The following EPHA4 variants were observed in gnomAD, a reference collection of about 807,000 sequenced individuals.
EPHA4 encodes the protein ephrin type-A receptor 4.
A neutral mutation model predicts 108.3 loss-of-function variants in EPHA4; 19 were observed. The observed-to-expected ratio is 0.18, with a 90% CI of 0.12 to 0.26. The LOEUF (loss-of-function observed/expected upper bound fraction) is 0.26, where lower values mean the gene tolerates loss of function less well. Among genes scored for constraint, EPHA4 ranks in the 10% least tolerant of loss-of-function variants. The pLI is 1.00. For missense variants in EPHA4, 917 were observed against 1,254.0 expected, an observed-to-expected ratio of 0.73 and a Z score of 4.06; for synonymous variants, 449 against 455.5, an observed-to-expected ratio of 0.99 and a Z score of 0.18.
chr2:221,515,453 T>A (rs1250302314), intron 3 of EPHA4, among the ~76,000 whole-genome samples: 1 of 152,202 alleles, frequency 6.6e-6, no homozygotes, highest in Non-Finnish European at 1.5e-5. Flanking sequence ...GTCTTCTTTT[T>A]CATATATCAC....
Position 221,482,072 on chromosome 2 carries a change from T to G in EPHA4, c.1318+280A>C, listed in dbSNP as rs1198430808. Among the ~76,000 whole-genome samples the G allele has an allele frequency of 2.6e-5, 4 of 152,064 alleles. No homozygotes were observed. In the East Asian group the frequency reaches 7.7e-4, roughly 29 times the overall value. On this transcript the variant is annotated intron_variant, in intron 5 of 17. Coordinates refer to ENST00000281821, the MANE Select transcript of EPHA4 (RefSeq NM_004438.5). ...GGTTTGTACCACCATGCCTAGCTAATTTTTGTATTTTTTTTGTAGAGATGG... is the reference window on the plus strand; with the variant it reads ...GGTTTGTACCACCATGCCTAGCTAAGTTTTGTATTTTTTTTGTAGAGATGG...
At chr2:221,433,014 C>T (rs955997330) in intron 14 of EPHA4, among the ~76,000 whole-genome samples, 3 of 151,778 alleles carry the variant, frequency 2.0e-5, no homozygotes, top group East Asian at 1.9e-4. Context: ...TTAGTAGAGA[C>T]GGGGTTTCAC....
At chr2:221,482,958 T>C (rs866780660) in intron 4 of EPHA4, among the ~76,000 whole-genome samples, 10 of 152,236 alleles carry the variant, frequency 6.6e-5, no homozygotes, top group Non-Finnish European at 1.3e-4. Flanking sequence ...GCAAATGGGC[T>C]CCAAGCCCAG....
chr2:221,504,098 T>A (rs1448194839), intron 3 of EPHA4, among the ~76,000 whole-genome samples: 2 of 152,182 alleles, frequency 1.3e-5, no homozygotes, highest in Non-Finnish European at 2.9e-5. Flanking sequence ...ATCCTTCTAT[T>A]TTAGGTGAGA....
chr2:221,446,203 A>T, intron 8 of EPHA4, 22 bp from the exon 9 acceptor site: 1 of 1,451,674 alleles, frequency 6.9e-7, no homozygotes, highest in Non-Finnish European at 9.2e-7. Context: ...TTTTTAAAAA[A>T]GAGAATTATT....
chr2:221,428,871 G>T (rs1384270258), intron 15 of EPHA4, among the ~76,000 whole-genome samples: 2 of 152,140 alleles, frequency 1.3e-5, no homozygotes, highest in African/African-American at 4.8e-5. Flanking sequence ...AGAATATAGG[G>T]TATCTCTACT....
At chr2:221,424,635 C>T (rs1481201135) in intron 17 of EPHA4, among the ~76,000 whole-genome samples, 1 of 152,156 alleles carries the variant, frequency 6.6e-6, no homozygotes, top group Admixed American at 6.5e-5. Context: ...GTTCAACTTT[C>T]TGATCATGAG....
At chr2:221,435,234 C>T (rs550096407) in intron 13 of EPHA4, among the ~76,000 whole-genome samples, 5 of 152,248 alleles carry the variant, frequency 3.3e-5, no homozygotes, top group Non-Finnish European at 7.4e-5. Flanking sequence ...TTGTTACGCA[C>T]AGAAGGACAC....
intron 3 of EPHA4, among the ~76,000 whole-genome samples, chr2:221,561,944 C>T (rs1015679405): frequency 6.6e-6 from 1 of 152,144 alleles, no homozygotes; most frequent in African/African-American, 2.4e-5. Flanking sequence ...ACGGAAAAGG[C>T]AGAATAATTT....
At chr2:221,434,013 G>T in intron 14 of EPHA4, 129 bp downstream of exon 14, 1 of 857,368 alleles carries the variant, frequency 1.2e-6, no homozygotes, top group Non-Finnish European at 1.8e-6. Context: ...TAGCTTGCTA[G>T]ATATATCTGT....
chr2:221,436,655 G>A (rs1304522220), intron 12 of EPHA4, 47 bp from the exon 13 acceptor site: 5 of 1,550,380 alleles, frequency 3.2e-6, no homozygotes, highest in Middle Eastern at 1.7e-4. Flanking sequence ...ATTAGGCCAA[G>A]TTAATTCTCA....
In EPHA4 at chr2:221,434,035, T is replaced by C. The variant is rs980454813; in HGVS notation, c.2496+107A>G. The C allele has an allele frequency of 3.5e-6, 4 of 1,127,600 alleles. No homozygotes were observed. The African/African-American group carries it at 6.3e-5, about 18-fold the overall frequency. The allele number at this position is 1,127,600 out of a possible 1,614,324, so 69.8% of individuals were successfully genotyped here. On this transcript the variant is annotated intron_variant, in intron 14 of 17. Coordinates refer to ENST00000281821, the MANE Select transcript of EPHA4 (RefSeq NM_004438.5). ...CTAGATATATCTGTATTAAGAAATT[T>C]GAGTTTAATGTATCATTTCAAACCC... is the stretch of plus-strand genomic sequence containing the variant.
At chr2:221,431,983 T>C (rs556006502) in intron 14 of EPHA4, among the ~76,000 whole-genome samples, 7 of 152,250 alleles carry the variant, frequency 4.6e-5, no homozygotes, top group African/African-American at 1.7e-4. Flanking sequence ...TTCCTATTGA[T>C]TCCTGTTCTA....
At chr2:221,568,622 C>T (rs1694738632) in intron 2 of EPHA4, 96 bp downstream of exon 2, 4 of 971,738 alleles carry the variant, frequency 4.1e-6, no homozygotes, top group Non-Finnish European at 6.2e-6. Context: ...CTGACCCCCT[C>T]ACCACAATCA....
At chr2:221,428,584 A>T (rs1255575609) in intron 15 of EPHA4, among the ~76,000 whole-genome samples, 2 of 152,180 alleles carry the variant, frequency 1.3e-5, no homozygotes, top group African/African-American at 4.8e-5. Flanking sequence ...GACAAAATAC[A>T]TGGGCTCTGG....
chr2:221,522,433 CTT>C (rs1038599860), intron 3 of EPHA4, among the ~76,000 whole-genome samples: 1 of 152,200 alleles, frequency 6.6e-6, no homozygotes, highest in African/African-American at 2.4e-5. Flanking sequence ...TTAATCAAAA[CTT>C]AGCTAAAAAC....
intron 3 of EPHA4, among the ~76,000 whole-genome samples, chr2:221,544,947 C>T (rs1693945834): frequency 6.6e-6 from 1 of 152,150 alleles, no homozygotes; most frequent in Admixed American, 6.5e-5. Flanking sequence ...CACTAAAAAC[C>T]AACCCTGATG....
intron 4 of EPHA4, among the ~76,000 whole-genome samples, 159 bp from the exon 5 acceptor site, chr2:221,482,849 G>T (rs1326146146): frequency 6.6e-6 from 1 of 152,150 alleles, no homozygotes; most frequent in Non-Finnish European, 1.5e-5. Context: ...TCTTTTAAAA[G>T]AACAATATAA....
intron 3 of EPHA4, among the ~76,000 whole-genome samples, chr2:221,503,152 G>A (rs1692528692): frequency 3.9e-5 from 6 of 152,160 alleles, no homozygotes; most frequent in Admixed American, 3.9e-4. Context: ...AGTCGCAGTC[G>A]ACAAAAGCAA....
Sources: gnomAD v4.1 joint callset for allele counts (sites outside exome capture counted in the v4.1 genomes callset) on GRCh38, gnomAD v4.1.1 for gene constraint, MANE v1.5 for transcripts, NCBI Gene and HGNC (gene_info 2026-07-23, HGNC 2026-07-21) for gene names.